Variants in SMARCA1 observed in about 807,000 individuals in gnomAD.
SMARCA1 encodes the protein SWI/SNF-related matrix-associated actin-dependent regulator of chromatin subfamily A member 1.
A neutral mutation model predicts 93.6 loss-of-function variants in SMARCA1; 17 were observed. That is an observed-to-expected ratio of 0.18 (90% CI 0.12 to 0.27). SMARCA1 has a LOEUF of 0.27. SMARCA1 is among the 10% of genes least tolerant of loss of function. SMARCA1 has a pLI of 1.00. For synonymous variants in SMARCA1, 271 were observed against 271.4 expected, an observed-to-expected ratio of 1.00 and a Z score of 0.01; for missense variants, 630 against 819.0, an observed-to-expected ratio of 0.77 and a Z score of 2.82.
intron 8 of SMARCA1, among the ~76,000 whole-genome samples, chrX:129,505,619 T>C (rs982290767): frequency 4.5e-5 from 5 of 111,067 alleles, no homozygotes; most frequent in African/African-American, 1.6e-4. Flanking sequence ...TAAAAATATA[T>C]ATATATAAAT....
chrX:129,480,952 T>G, intron 18 of SMARCA1, 123 bp downstream of exon 18: 1 of 556,531 alleles, frequency 1.8e-6, no homozygotes, highest in South Asian at 3.3e-5. Flanking sequence ...AATCAGATAC[T>G]TTTTTGTACT....
At chrX:129,497,806 T>C in intron 11 of SMARCA1, 39 bp downstream of exon 11, 1 of 888,835 alleles carries the variant, frequency 1.1e-6, no homozygotes, top group Non-Finnish European at 1.6e-6. Context: ...GTCATTAATA[T>C]AAATTTATTC....
chrX:129,487,539 T>C, intron 16 of SMARCA1, among the ~76,000 whole-genome samples: 1 of 112,617 alleles, frequency 8.9e-6, no homozygotes, highest in Non-Finnish European at 1.9e-5. Context: ...TTACCTGAAC[T>C]ACAAAATTCT....
At chrX:129,449,976 A>G (rs1305194986) in intron 23 of SMARCA1, among the ~76,000 whole-genome samples, 1 of 113,025 alleles carries the variant, frequency 8.8e-6, no homozygotes, top group African/African-American at 3.2e-5. Context: ...CATATCTGAC[A>G]TTGACAATAA....
chrX:129,502,107 A>G (rs1417232056), intron 9 of SMARCA1, among the ~76,000 whole-genome samples: 2 of 111,674 alleles, frequency 1.8e-5, no homozygotes, highest in African/African-American at 6.5e-5. Flanking sequence ...AAGTTTTCTA[A>G]AAGATATCCT....
chrX:129,471,525 C>T (rs1330883871), intron 19 of SMARCA1, among the ~76,000 whole-genome samples, 199 bp from the exon 20 acceptor site: 3 of 112,144 alleles, frequency 2.7e-5, no homozygotes, highest in African/African-American at 9.7e-5. Flanking sequence ...ACATGATATT[C>T]CATAGTTAAA....
intron 10 of SMARCA1, 95 bp from the exon 11 acceptor site, chrX:129,498,166 G>C: frequency 1.9e-6 from 1 of 526,475 alleles, no homozygotes; most frequent in Admixed American, 3.1e-5. Flanking sequence ...CCTGTTTAAA[G>C]ATAAACAAGA....
At chrX:129,449,331 A>G (rs1000583481) in intron 23 of SMARCA1, among the ~76,000 whole-genome samples, 1 of 111,953 alleles carries the variant, frequency 8.9e-6, no homozygotes, top group African/African-American at 3.2e-5. Context: ...ACTGTGAACC[A>G]CTAGGTGGGG....
At chrX:129,494,368 G>A (rs904434653) in intron 12 of SMARCA1, among the ~76,000 whole-genome samples, 1 of 111,729 alleles carries the variant, frequency 9.0e-6, no homozygotes, top group African/African-American at 3.3e-5. Flanking sequence ...ATCTCAGAGA[G>A]AGTGAAAAAA....
intron 18 of SMARCA1, 53 bp from the exon 19 acceptor site, chrX:129,480,867 A>T: frequency 1.3e-6 from 1 of 769,869 alleles, no homozygotes; most frequent in Non-Finnish European, 1.9e-6. Context: ...CATGAAGTAA[A>T]CTTACTTATC....
chrX:129,491,928 A>T lies in SMARCA1; in HGVS notation c.1815+13T>A. 8.6e-7 allele frequency: 1 copy of T among 1,162,659 alleles called. No individual in the cohort carries two copies. Among genetic ancestry groups the T allele is most frequent in the Non-Finnish European group, 1.2e-6 (1 of 859,283 alleles). On this transcript the variant is annotated intron_variant, in intron 14 of 24. Coordinates refer to ENST00000371121, the MANE Select transcript of SMARCA1 (RefSeq NM_001282874.2). ...GCTATGATAAATTTCTGACACCATTAAAGATTACTAACCATAGCTTGTAGA... is the reference window on the plus strand; with the variant it reads ...GCTATGATAAATTTCTGACACCATTTAAGATTACTAACCATAGCTTGTAGA...
In SMARCA1 at chrX:129,506,223, T is replaced by C. The variant is rs375520430; in HGVS notation, c.967-12A>G. 1.0e-4 allele frequency: 113 copies of C among 1,132,313 alleles called. No homozygotes were observed. The African/African-American group carries it at 1.1e-3, about 11-fold the overall frequency. The allele number at this position is 1,132,313 out of a possible 1,213,427, so 93.3% of individuals were successfully genotyped here. A position where few individuals can be genotyped will look rare whatever the true frequency, so the allele number is the denominator to read the frequency against. On this transcript the variant is annotated splice_polypyrimidine_tract_variant and intron_variant, in intron 7 of 24. Transcript: ENST00000371121. ...ACAATCTCTGAAAGCTAGAAAATAATACTCATATGAGGATTATTTTACTTA... is the reference window on the plus strand; with the variant it reads ...ACAATCTCTGAAAGCTAGAAAATAACACTCATATGAGGATTATTTTACTTA...
chrX:129,486,783 TAGC>T (rs1333231228), intron 17 of SMARCA1, among the ~76,000 whole-genome samples: 3 of 106,890 alleles, frequency 2.8e-5, no homozygotes, highest in Non-Finnish European at 1.9e-5. Flanking sequence ...GTAGTAGTAG[TAGC>T]AGCAGCAGCA....
intron 1 of SMARCA1, among the ~76,000 whole-genome samples, chrX:129,521,981 T>C (rs764165551): frequency 1.6e-4 from 18 of 111,970 alleles, no homozygotes; most frequent in Non-Finnish European, 3.2e-4. Context: ...TCGTATAGTA[T>C]CATATAATGA....
rs150930863 is a variant in SMARCA1 at position 129,478,380 on chromosome X, C to A, written c.2442+2321G>T. 1.3e-3 allele frequency among the ~76,000 whole-genome samples: 143 copies of A among 112,062 alleles called. 1 individual carries two copies. The East Asian group carries it at 0.024, about 18-fold the overall frequency. ...AAAGGTCCTCCTTTTACTCTTTTTC[C>A]CTCTCCTCTTGCTTCTTTCAGGGAA... is the stretch of plus-strand genomic sequence containing the variant. On this transcript the variant is annotated intron_variant, in intron 19 of 24. Coordinates refer to ENST00000371121, the MANE Select transcript of SMARCA1 (RefSeq NM_001282874.2).
intron 1 of SMARCA1, among the ~76,000 whole-genome samples, chrX:129,522,090 C>G (rs1935412780): frequency 9.0e-6 from 1 of 111,357 alleles, no homozygotes; most frequent in Non-Finnish European, 1.9e-5. Flanking sequence ...ACACATAAAC[C>G]ATTAGTTATG....
At chrX:129,505,929 C>T in intron 8 of SMARCA1, 151 bp downstream of exon 8, 1 of 443,658 alleles carries the variant, frequency 2.3e-6, no homozygotes, top group Non-Finnish European at 3.9e-6. Flanking sequence ...CATTTTAAAA[C>T]TCTATTAAAG....
intron 17 of SMARCA1, among the ~76,000 whole-genome samples, chrX:129,485,669 T>C: frequency 9.0e-6 from 1 of 111,504 alleles, no homozygotes; most frequent in Non-Finnish European, 1.9e-5. Flanking sequence ...TGGGGCCCAA[T>C]AGGAAGTGTT....
At chrX:129,449,600 G>A (rs1932185618) in intron 23 of SMARCA1, among the ~76,000 whole-genome samples, 1 of 111,777 alleles carries the variant, frequency 8.9e-6, no homozygotes, top group Admixed American at 9.5e-5. Context: ...CATTAATACG[G>A]AATATCATAT....
Sources: gnomAD v4.1 joint callset for allele counts (sites outside exome capture counted in the v4.1 genomes callset) on GRCh38, gnomAD v4.1.1 for gene constraint, MANE v1.5 for transcripts, NCBI Gene and HGNC (gene_info 2026-07-23, HGNC 2026-07-21) for gene names.